The following MACROD2 variants were observed in gnomAD, a reference collection of about 807,000 sequenced individuals.
MACROD2 encodes ADP-ribose glycohydrolase MACROD2.
MACROD2 carries 36 observed loss-of-function variants against 70.4 expected under a neutral mutation model. The observed-to-expected ratio is 0.51, with a 90% confidence interval of 0.39 to 0.68. MACROD2 has a LOEUF of 0.68. MACROD2 is among the 30% of genes least tolerant of loss of function. MACROD2 has a pLI of 0.00. For synonymous variants in MACROD2, 172 were observed against 178.8 expected (o/e 0.96, Z 0.30); for missense variants, 496 against 538.4 (o/e 0.92, Z 0.78).
intron 8 of MACROD2, among the ~76,000 whole-genome samples, chr20:15,782,996 A>C (rs887856950): frequency 2.6e-5 from 4 of 152,098 alleles, no homozygotes; most frequent in African/African-American, 9.6e-5. Flanking sequence ...AGCTGAGGTA[A>C]ATATTTTTCA....
intron 4 of MACROD2, 81 bp from the exon 5 acceptor site, chr20:14,684,762 G>A: frequency 9.0e-7 from 1 of 1,106,624 alleles, no homozygotes; most frequent in Non-Finnish European, 1.3e-6. Flanking sequence ...AACAAATTGA[G>A]TTCTCTTCCT....
intron 8 of MACROD2, among the ~76,000 whole-genome samples, chr20:15,776,477 C>T (rs975115756): frequency 6.6e-6 from 1 of 152,166 alleles, no homozygotes; most frequent in Admixed American, 6.5e-5. Context: ...GCTCTCTGCT[C>T]CATTTGGTGC....
chr20:15,973,917 T>C (rs1287384805), intron 13 of MACROD2, among the ~76,000 whole-genome samples: 1 of 152,174 alleles, frequency 6.6e-6, no homozygotes, highest in Non-Finnish European at 1.5e-5. Context: ...TTGTGTCAGA[T>C]GATATGGCAA....
intron 3 of MACROD2, among the ~76,000 whole-genome samples, chr20:14,241,467 C>T (rs142803435): frequency 2.0e-5 from 3 of 151,850 alleles, no homozygotes; most frequent in African/African-American, 7.2e-5. Flanking sequence ...AACATAGGCA[C>T]ATAACAGACA....
At chr20:14,445,661 G>GA in intron 3 of MACROD2, among the ~76,000 whole-genome samples, 1 of 152,176 alleles carries the variant, frequency 6.6e-6, no homozygotes, top group Non-Finnish European at 1.5e-5. Context: ...AAAAAGACTG[G>GA]AAAAATGGCA....
At chr20:15,849,575 T>G (rs1176974252) in intron 8 of MACROD2, among the ~76,000 whole-genome samples, 1 of 152,204 alleles carries the variant, frequency 6.6e-6, no homozygotes, top group Non-Finnish European at 1.5e-5. Context: ...TGGCATCTTT[T>G]GAAAGTCAAG....
intron 5 of MACROD2, chr20:15,021,559 A>G (rs2122967645): frequency 6.6e-6 from 1 of 151,328 alleles, no homozygotes; most frequent in African/African-American, 2.4e-5. Flanking sequence ...TATTTTTCTC[A>G]TGGAATGCTT....
chr20:14,930,161 CAAA>C lies in MACROD2; in HGVS notation c.418+245213_418+245215del, dbSNP rs61532850. The stretch of plus-strand genomic sequence containing the variant: ...TGGGTGAGAGAGTGAGACTCCGTCT[CAAA>C]AAAAAAAAAAGAAATGTACATGAGT... On this transcript the variant is annotated intron_variant, in intron 5 of 17. Coordinates refer to ENST00000684519, the MANE Select transcript of MACROD2 (RefSeq NM_001351661.2). Among the ~76,000 whole-genome samples the C allele has an allele frequency of 3.2e-4, 34 of 106,450 alleles. 2 individuals are homozygous for C. The highest frequency in any genetic ancestry group is 1.1e-3 in the African/African-American group (33 of 29,308). The allele number at this position is 106,450 out of a possible 152,430, so 69.8% of individuals were successfully genotyped here. A position where few individuals can be genotyped will look rare whatever the true frequency, so the allele number is the denominator to read the frequency against.
intron 6 of MACROD2, among the ~76,000 whole-genome samples, chr20:15,329,846 A>G (rs906219823): frequency 1.3e-5 from 2 of 152,070 alleles, no homozygotes; most frequent in African/African-American, 4.8e-5. Flanking sequence ...GTGCTACCCC[A>G]AAATGCTGCA....
chr20:14,933,607 G>A (rs146382955), intron 5 of MACROD2, among the ~76,000 whole-genome samples: 23 of 151,404 alleles, frequency 1.5e-4, no homozygotes, highest in Middle Eastern at 3.4e-3. Flanking sequence ...TCCCACCTGG[G>A]TGACAGAGTG....
intron 3 of MACROD2, among the ~76,000 whole-genome samples, chr20:14,414,688 T>C (rs1245204317): frequency 6.6e-6 from 1 of 152,176 alleles, no homozygotes; most frequent in Non-Finnish European, 1.5e-5. Context: ...CTGCCACTGT[T>C]CTTTAGTCAG....
At chr20:14,353,372 T>C (rs1399464377) in intron 3 of MACROD2, among the ~76,000 whole-genome samples, 1 of 152,182 alleles carries the variant, frequency 6.6e-6, no homozygotes, top group South Asian at 2.1e-4. Flanking sequence ...AGTTGTCTCC[T>C]GTGCAAATAA....
chr20:14,819,137 G>C (rs905025180), intron 5 of MACROD2, among the ~76,000 whole-genome samples: 1 of 151,450 alleles, frequency 6.6e-6, no homozygotes, highest in East Asian at 1.9e-4. Flanking sequence ...GTGGTGGCAG[G>C]CATCTGTAAT....
At chr20:14,931,206 G>T (rs1007754297) in intron 5 of MACROD2, among the ~76,000 whole-genome samples, 1 of 152,082 alleles carries the variant, frequency 6.6e-6, no homozygotes, top group Non-Finnish European at 1.5e-5. Context: ...GGATGGCTCG[G>T]TAAGAGACCC....
At chr20:15,559,226 C>CAA (rs148608040) in intron 8 of MACROD2, among the ~76,000 whole-genome samples, 56 of 43,194 alleles carry the variant, frequency 1.3e-3, no homozygotes, top group Non-Finnish European at 1.8e-3. Flanking sequence ...AACTCCGTCT[C>CAA]AAAAAAAAAA....
At chr20:15,593,974 G>A (rs558131458) in intron 8 of MACROD2, among the ~76,000 whole-genome samples, 56 of 152,196 alleles carry the variant, frequency 3.7e-4, no homozygotes, top group Admixed American at 2.9e-3. Flanking sequence ...AAAAAGCAGT[G>A]GCCAAACCAT....
Position 15,616,194 on chromosome 20 carries a change from C to T in MACROD2, c.645+116347C>T, listed in dbSNP as rs1031729855. On this transcript the variant is annotated intron_variant, in intron 8 of 17. Coordinates refer to ENST00000684519, the MANE Select transcript of MACROD2 (RefSeq NM_001351661.2). ...TCTCGGCCCACTGCGCCCTCTGTCT[C>T]CTGGGTTCAAGTGATTCTCGTGCCT... is the stretch of plus-strand genomic sequence containing the variant. Among the ~76,000 whole-genome samples, 3 of 146,970 alleles carry T rather than the reference C, an allele frequency of 2.0e-5. No individual in the cohort carries two copies. The Admixed American group carries it at 2.1e-4, about 10-fold the overall frequency.
intron 5 of MACROD2, among the ~76,000 whole-genome samples, chr20:15,118,577 A>G (rs920024770): frequency 3.3e-5 from 5 of 152,118 alleles, no homozygotes; most frequent in African/African-American, 7.2e-5. Context: ...TCCTAAACCA[A>G]TGAGAATTCT....
At chr20:14,049,197 A>AAAAAAC in intron 2 of MACROD2, among the ~76,000 whole-genome samples, 1 of 151,540 alleles carries the variant, frequency 6.6e-6, no homozygotes, top group Non-Finnish European at 1.5e-5. Context: ...AAACAAAAAA[A>AAAAAAC]CAAAAAAGCC....
Sources: allele counts gnomAD v4.1 joint callset (sites outside exome capture counted in the v4.1 genomes callset), GRCh38; gene constraint gnomAD v4.1.1; transcripts MANE v1.5; gene names NCBI Gene and HGNC (gene_info 2026-07-23, HGNC 2026-07-21).